Variants in MRTO4 observed in about 807,000 individuals in gnomAD.
The protein encoded by MRTO4 is MRT4 homolog, ribosome maturation factor, also known as mRNA turnover protein 4 homolog.
Under a neutral mutation model 28.6 loss-of-function variants are expected in MRTO4, and 7 were observed. The observed-to-expected ratio is 0.24, with a 90% CI of 0.14 to 0.46. The LOEUF (loss-of-function observed/expected upper bound fraction) is 0.46, where lower values mean the gene tolerates loss of function less well. Ranked by LOEUF, MRTO4 falls within the 20% of genes least tolerant of loss-of-function variation. MRTO4 has a pLI of 0.99. For missense variants in MRTO4, 302 were observed against 298.3 expected (o/e 1.01, Z -0.09); for synonymous variants, 113 against 108.2 (o/e 1.04, Z -0.27).
In MRTO4 at chr1:19,259,760, C is replaced by T. The variant is rs1470113183; in HGVS notation, c.*930C>T. ...ACACTTCCAAACCAGGGCTGCGGAT[C>T]TGATGGATGCCAGGAAGACAGCCTT... On this transcript the variant is annotated 3_prime_UTR_variant, in exon 8 of 8. Coordinates refer to ENST00000330263, the MANE Select transcript of MRTO4 (RefSeq NM_016183.4). 1 of 152,256 alleles carries T rather than the reference C, an allele frequency of 6.6e-6. No individual in the cohort carries two copies. The highest frequency in any genetic ancestry group is 1.9e-4 in the East Asian group (1 of 5,206). The allele number at this position is 152,256 out of a possible 1,614,324, so 9.4% of individuals were successfully genotyped here. A position where few individuals can be genotyped will look rare whatever the true frequency, so the allele number is the denominator to read the frequency against.
Position 19,257,999 on chromosome 1 carries a change from G to A in MRTO4, c.493+15G>A, listed in dbSNP as rs2093674228. ...CCTCAAGAGAGGTATGGGCAGCCCTGGAGCCAAAAGGTCACAGCCTAGAGT... is the reference window on the plus strand; with the variant it reads ...CCTCAAGAGAGGTATGGGCAGCCCTAGAGCCAAAAGGTCACAGCCTAGAGT... On this transcript the variant is annotated intron_variant, in intron 6 of 7. Coordinates refer to ENST00000330263, the MANE Select transcript of MRTO4 (RefSeq NM_016183.4). 6.2e-7 allele frequency: 1 copy of A among 1,612,304 alleles called. No individual in the cohort carries two copies. Among genetic ancestry groups the A allele is most frequent in the African/African-American group, 1.3e-5 (1 of 74,976 alleles).
chr1:19,256,909 G>A (rs558833363), intron 3 of MRTO4, among the ~76,000 whole-genome samples, 155 bp from the exon 4 acceptor site: 1 of 152,296 alleles, frequency 6.6e-6, no homozygotes, highest in East Asian at 1.9e-4. Flanking sequence ...GGACCCCAAC[G>A]TGGGGACAGT....
At chr1:19,257,374 T>C in intron 4 of MRTO4, 80 bp from the exon 5 acceptor site, 2 of 1,519,696 alleles carry the variant, frequency 1.3e-6, no homozygotes, top group Non-Finnish European at 9.1e-7. Context: ...TGTTGCCAAA[T>C]GTACCCGGTG....
In MRTO4 at chr1:19,259,790, TGA is replaced by T. The variant is rs2093677675; in HGVS notation, c.*964_*965del. 6.6e-6 allele frequency: 1 copy of T among 152,282 alleles called. No individual in the cohort carries two copies. The highest frequency in any genetic ancestry group is 2.4e-5 in the African/African-American group (1 of 41,468). The allele number at this position is 152,282 out of a possible 1,614,324, so 9.4% of individuals were successfully genotyped here. On this transcript the variant is annotated 3_prime_UTR_variant, in exon 8 of 8. Transcript: ENST00000330263. ...GGATGCCAGGAAGACAGCCTTGGGC[TGA>T]GAGTGACATCACTGCAAGAGTTGAG... is the stretch of plus-strand genomic sequence containing the variant.
rs754307809 is a variant in MRTO4 at position 19,258,548 on chromosome 1, G to A, written c.565G>A (p.Val189Ile). 2.4e-5 allele frequency: 38 copies of A among 1,613,958 alleles called. No homozygotes were observed. The highest frequency in any genetic ancestry group is 1.6e-4 in the Middle Eastern group (1 of 6,084). Reference protein sequence around the residue: ...GDVLTPEQARVLKLFGYEMAE... With the variant: ...GDVLTPEQARILKLFGYEMAE... ...TGTGCTGACCCCAGAGCAGGCTCGC[G>A]TCCTGGTGAGTCTGGCGCCTTGCGG... The change falls in exon 7 of 8, where the codon GTC becomes ATC. Residue 189 changes from valine (V) to isoleucine (I), a missense_variant. By Grantham distance (29) the Val-to-Ile change is conservative. Transcript: ENST00000330263.
At chr1:19,255,043 T>G (rs2093669388) in intron 2 of MRTO4, among the ~76,000 whole-genome samples, 1 of 152,146 alleles carries the variant, frequency 6.6e-6, no homozygotes, top group Non-Finnish European at 1.5e-5. Flanking sequence ...CAGCTTTGAC[T>G]AGCTCGTACT....
intron 1 of MRTO4, among the ~76,000 whole-genome samples, chr1:19,253,461 G>T (rs1009134097): frequency 3.3e-5 from 5 of 152,300 alleles, no homozygotes; most frequent in African/African-American, 1.2e-4. Context: ...TGGCTTTCCT[G>T]CCCAGGTGAA....
rs1160530911 is a variant in MRTO4 at position 19,251,840 on chromosome 1, C to G, written c.5C>G (p.Pro2Arg). Residue 2 changes from proline to arginine, a missense_variant, in exon 1 of 8, where the codon CCC becomes CGC. Physicochemically the swap from Pro to Arg is moderately radical, Grantham distance 103 (BLOSUM62 -2). Transcript: ENST00000330263. The stretch of plus-strand genomic sequence containing the variant: ...GCCGCACGTGGATTCAGCGCGATGC[C>G]CAAATCCAAGCGCGACAAGAAAGGT... Reference protein sequence around the residue: MPKSKRDKKVSL... With the variant: MRKSKRDKKVSL... 9 of 1,587,106 alleles carry G rather than the reference C, an allele frequency of 5.7e-6. No individual in the cohort carries two copies. Among genetic ancestry groups the G allele is most frequent in the Non-Finnish European group, 7.7e-6 (9 of 1,167,660 alleles).
Position 19,258,520 on chromosome 1 carries a change from C to T in MRTO4, c.537C>T (p.Gly179=), listed in dbSNP as rs767717492. Residue 179 remains glycine, a synonymous_variant, in exon 7 of 8, where the codon GGC becomes GGT. Transcript: ENST00000330263. ...LLSDYEVCKE[G]DVLTPEQARV... Reference sequence around the variant, plus strand: ...CTGACTACGAGGTGTGCAAGGAGGGCGATGTGCTGACCCCAGAGCAGGCTC... The same window carrying T: ...CTGACTACGAGGTGTGCAAGGAGGGTGATGTGCTGACCCCAGAGCAGGCTC... The T allele has an allele frequency of 3.7e-6, 6 of 1,613,966 alleles. No individual in the cohort carries two copies. The highest frequency in any genetic ancestry group is 1.3e-5 in the African/African-American group (1 of 74,932).
intron 1 of MRTO4, chr1:19,252,247 A>T (rs1014485422): frequency 3.4e-6 from 1 of 293,888 alleles, no homozygotes. Context: ...CTTTCAGCAC[A>T]GGTTTGTTCC....
intron 2 of MRTO4, among the ~76,000 whole-genome samples, chr1:19,255,633 T>C (rs1457333879): frequency 6.6e-6 from 1 of 152,218 alleles, no homozygotes; most frequent in Non-Finnish European, 1.5e-5. Context: ...TCCATGTGTT[T>C]CCATGTAGCA....
Position 19,258,945 on chromosome 1 carries a change from GA to G in MRTO4, c.*116del. The G allele has an allele frequency of 8.1e-7, 1 of 1,236,770 alleles. No individual in the cohort carries two copies. Among genetic ancestry groups the G allele is most frequent in the Non-Finnish European group, 1.1e-6 (1 of 911,752 alleles). 76.6% of individuals were successfully genotyped at this position (1,236,770 alleles called of 1,614,324 possible). On this transcript the variant is annotated 3_prime_UTR_variant, in exon 8 of 8. Coordinates refer to ENST00000330263, the MANE Select transcript of MRTO4 (RefSeq NM_016183.4). ...TTATTTGTCTGTAGACAGGGAACAT[GA>G]TGGGCACTGACCTCCTGTAAAGAAT... is the stretch of plus-strand genomic sequence containing the variant.
intron 1 of MRTO4, 192 bp downstream of exon 1, chr1:19,252,055 C>T: frequency 3.7e-6 from 3 of 814,318 alleles, no homozygotes; most frequent in Non-Finnish European, 5.6e-6. Flanking sequence ...GACGCCCGGT[C>T]GGGTCTGGGG....
chr1:19,256,187 A>C (rs1043380402), intron 3 of MRTO4, 136 bp downstream of exon 3: 8 of 706,534 alleles, frequency 1.1e-5, no homozygotes, highest in East Asian at 2.7e-5. Flanking sequence ...ACAAAGTGCT[A>C]CCTGCCACTG....
intron 2 of MRTO4, 44 bp from the exon 3 acceptor site, chr1:19,255,904 G>T: frequency 2.6e-6 from 4 of 1,534,790 alleles, no homozygotes; most frequent in Non-Finnish European, 3.6e-6. Context: ...AGTGCCCGTT[G>T]TATGCTGCTG....
chr1:19,253,556 G>A (rs1159903401), intron 1 of MRTO4, among the ~76,000 whole-genome samples: 1 of 152,202 alleles, frequency 6.6e-6, no homozygotes, highest in South Asian at 2.1e-4. Flanking sequence ...GGGGAAGACA[G>A]GGCAGAGGGC....
chr1:19,258,095 C>T (rs2093674357), intron 6 of MRTO4, 111 bp downstream of exon 6: 2 of 1,392,918 alleles, frequency 1.4e-6, no homozygotes, highest in South Asian at 2.9e-5. Context: ...TCCATTTTCT[C>T]ATGAGAAAAT....
In MRTO4 at chr1:19,258,956, A is replaced by C; in HGVS notation, c.*126A>C. On this transcript the variant is annotated 3_prime_UTR_variant, in exon 8 of 8. Coordinates refer to ENST00000330263, the MANE Select transcript of MRTO4 (RefSeq NM_016183.4). ...TAGACAGGGAACATGATGGGCACTG[A>C]CCTCCTGTAAAGAATAAAACTGTGG... 1 of 1,183,296 alleles carries C rather than the reference A, an allele frequency of 8.5e-7. No homozygotes were observed. The highest frequency in any genetic ancestry group is 1.2e-6 in the Non-Finnish European group (1 of 867,250). The allele number at this position is 1,183,296 out of a possible 1,614,324, so 73.3% of individuals were successfully genotyped here.
chr1:19,259,692 G>C lies in MRTO4; in HGVS notation c.*862G>C, dbSNP rs1344550053. On this transcript the variant is annotated 3_prime_UTR_variant, in exon 8 of 8. Transcript: ENST00000330263. ...TCAGTCCTGGGTACCCCTTGGCAGA[G>C]GGATTTGCTGAGGAAAATTAGGTAT... 1 of 152,278 alleles carries C rather than the reference G, an allele frequency of 6.6e-6. No homozygotes were observed. Among genetic ancestry groups the C allele is most frequent in the Admixed American group, 6.5e-5 (1 of 15,284 alleles). The allele number at this position is 152,278 out of a possible 1,614,324, so 9.4% of individuals were successfully genotyped here. A position where few individuals can be genotyped will look rare whatever the true frequency, so the allele number is the denominator to read the frequency against.
Sources: gnomAD v4.1 joint callset for allele counts (sites outside exome capture counted in the v4.1 genomes callset) on GRCh38, gnomAD v4.1.1 for gene constraint, MANE v1.5 for transcripts, NCBI Gene and HGNC (gene_info 2026-07-23, HGNC 2026-07-21) for gene names.